Variants in CDH8 observed in about 807,000 individuals in gnomAD.
The protein encoded by CDH8 is cadherin 8, also known as cadherin-8.
In CDH8, 17 loss-of-function variants were observed where a neutral mutation model predicts 68.1. That is an observed-to-expected ratio of 0.25 (90% CI 0.17 to 0.37). CDH8 has a LOEUF of 0.37. CDH8 is among the 10% of genes least tolerant of loss of function. CDH8 has a pLI of 1.00. For missense variants in CDH8, 763 were observed against 999.3 expected (o/e 0.76, Z 3.19); for synonymous variants, 372 against 365.1 (o/e 1.02, Z -0.21).
chr16:61,817,365 T>A, intron 7 of CDH8, 114 bp downstream of exon 7: 1 of 952,502 alleles, frequency 1.0e-6, no homozygotes, highest in South Asian at 1.4e-5. Context: ...CAACATTATT[T>A]GGTCATGTGA....
intron 4 of CDH8, among the ~76,000 whole-genome samples, chr16:61,854,155 C>G (rs1190118581): frequency 6.7e-6 from 1 of 149,856 alleles, no homozygotes; most frequent in African/African-American, 2.5e-5. Flanking sequence ...CACACACACA[C>G]ACACTGCAGA....
At chr16:61,831,324 A>T (rs1962449469) in intron 4 of CDH8, among the ~76,000 whole-genome samples, 1 of 151,816 alleles carries the variant, frequency 6.6e-6, no homozygotes, top group Admixed American at 6.6e-5. Flanking sequence ...ATTACAAGGA[A>T]AAGGAGGATC....
intron 8 of CDH8, among the ~76,000 whole-genome samples, chr16:61,741,706 G>T (rs1596921316): frequency 1.3e-5 from 2 of 151,988 alleles, no homozygotes; most frequent in East Asian, 3.9e-4. Context: ...TATTCCATTG[G>T]TCTATTTTTC....
chr16:61,734,335 T>A lies in CDH8; in HGVS notation c.1415-7120A>T, dbSNP rs147858431. 3.3e-4 allele frequency among the ~76,000 whole-genome samples: 51 copies of A among 152,240 alleles called. 1 individual carries two copies. The East Asian group carries it at 9.1e-3, about 27-fold the overall frequency. Reference sequence around the variant, plus strand: ...CCTTGTTGACGTTGACTTATCAACCTTGCTGGGGGGAAAATGATTTCCTTC... The same window carrying A: ...CCTTGTTGACGTTGACTTATCAACCATGCTGGGGGGAAAATGATTTCCTTC... On this transcript the variant is annotated intron_variant, in intron 8 of 11. Transcript: ENST00000577390.
intron 2 of CDH8, among the ~76,000 whole-genome samples, chr16:61,972,571 G>GGGTGT (rs369833002): frequency 0.036 from 4,736 of 131,528 alleles, 124 homozygotes; most frequent in East Asian, 0.093. Context: ...ACACATTGTG[G>GGGTGT]GTGTGTGTGT....
intron 4 of CDH8, among the ~76,000 whole-genome samples, chr16:61,834,005 AC>A (rs1429583154): frequency 3.9e-5 from 6 of 151,934 alleles, no homozygotes; most frequent in African/African-American, 1.4e-4. Flanking sequence ...ATCGCCCAGA[AC>A]CTAACGCAAT....
At chr16:61,693,372 C>A (rs1964269844) in intron 10 of CDH8, 2 of 151,912 alleles carry the variant, frequency 1.3e-5, no homozygotes. Context: ...TTATTGGATG[C>A]CTTCTCCCTA....
intron 2 of CDH8, among the ~76,000 whole-genome samples, chr16:61,986,899 C>A (rs140483612): frequency 2.8e-4 from 43 of 152,176 alleles, no homozygotes; most frequent in Non-Finnish European, 3.8e-4. Context: ...TTTCTAGCTT[C>A]TCTTTCTGTG....
intron 2 of CDH8, among the ~76,000 whole-genome samples, chr16:61,970,724 G>C (rs561127503): frequency 1.3e-5 from 2 of 152,124 alleles, no homozygotes; most frequent in Non-Finnish European, 2.9e-5. Flanking sequence ...TTCTGACACC[G>C]TCTCCCTGGA....
In CDH8 at chr16:62,021,496, G is replaced by C; in HGVS notation, c.-93C>G. On this transcript the variant is annotated 5_prime_UTR_variant, in exon 2 of 12. Transcript: ENST00000577390. ...CATCCAATTCATCATGCAGTGCCGA[G>C]CATTTACTTACAGCTCTGCCACGTG... 2.0e-6 allele frequency: 3 copies of C among 1,517,480 alleles called. No individual in the cohort carries two copies. The highest frequency in any genetic ancestry group is 2.1e-5 in the Admixed American group (1 of 47,102). The allele number at this position is 1,517,480 out of a possible 1,614,324, so 94.0% of individuals were successfully genotyped here.
At chr16:61,779,777 G>T (rs1342284630) in intron 8 of CDH8, among the ~76,000 whole-genome samples, 2 of 152,102 alleles carry the variant, frequency 1.3e-5, no homozygotes, top group African/African-American at 2.4e-5. Flanking sequence ...ATAATAAAAT[G>T]CATGCTTTTT....
At chr16:61,777,037 A>G (rs764179235) in intron 8 of CDH8, among the ~76,000 whole-genome samples, 8 of 152,148 alleles carry the variant, frequency 5.3e-5, no homozygotes, top group Non-Finnish European at 1.0e-4. Flanking sequence ...CAAAAGAGTG[A>G]GCATGGATAA....
chr16:61,647,620 G>C lies in CDH8; in HGVS notation c.*5988C>G, dbSNP rs749118168. The C allele has an allele frequency of 4.6e-4, 251 of 551,022 alleles. No homozygotes were observed. The highest frequency in any genetic ancestry group is 7.0e-4 in the Non-Finnish European group (217 of 310,310). The allele number at this position is 551,022 out of a possible 1,614,324, so 34.1% of individuals were successfully genotyped here. A position where few individuals can be genotyped will look rare whatever the true frequency, so the allele number is the denominator to read the frequency against. On this transcript the variant is annotated 3_prime_UTR_variant, in exon 12 of 12. Coordinates refer to ENST00000577390, the MANE Select transcript of CDH8 (RefSeq NM_001796.5). Reference sequence around the variant, plus strand: ...TCCCAAGAAATTAACATTTGGCTTTGGGGGGTGATCCCAATGACTCCTAAA... The same window carrying C: ...TCCCAAGAAATTAACATTTGGCTTTCGGGGGTGATCCCAATGACTCCTAAA...
intron 2 of CDH8, among the ~76,000 whole-genome samples, chr16:61,936,219 C>A (rs1227782088): frequency 1.3e-5 from 2 of 152,064 alleles, no homozygotes; most frequent in African/African-American, 2.4e-5. Flanking sequence ...TGAATATTTA[C>A]AGCTCTTACT....
Position 61,822,566 on chromosome 16 carries a change from C to T in CDH8, c.836-1453G>A, listed in dbSNP as rs931687309. On this transcript the variant is annotated intron_variant, in intron 5 of 11. Coordinates refer to ENST00000577390, the MANE Select transcript of CDH8 (RefSeq NM_001796.5). ...GTAAGGTTTCTTCTAGCACTAACAC[C>T]CCTTTATTTAACAATGGGATAAAAA... Among the ~76,000 whole-genome samples, 11 of 151,668 alleles carry T rather than the reference C, an allele frequency of 7.3e-5. No individual in the cohort carries two copies. In the Admixed American group the frequency reaches 7.3e-4, roughly 10 times the overall value.
intron 3 of CDH8, among the ~76,000 whole-genome samples, chr16:61,873,264 A>G (rs893034217): frequency 6.6e-6 from 1 of 152,152 alleles, no homozygotes; most frequent in Non-Finnish European, 1.5e-5. Flanking sequence ...ATTAGGTTGA[A>G]GTTTTTTCAA....
intron 2 of CDH8, among the ~76,000 whole-genome samples, chr16:61,971,340 G>C (rs980148027): frequency 6.6e-6 from 1 of 152,168 alleles, no homozygotes; most frequent in African/African-American, 2.4e-5. Flanking sequence ...TGATTGACAG[G>C]CTGTATATAA....
chr16:61,885,791 G>C (rs554025649), intron 3 of CDH8, among the ~76,000 whole-genome samples: 6 of 150,792 alleles, frequency 4.0e-5, no homozygotes, highest in Non-Finnish European at 7.4e-5. Context: ...GGACAATAAA[G>C]ACATGCTCGG....
chr16:61,677,407 G>T (rs548482473), intron 10 of CDH8, among the ~76,000 whole-genome samples: 2 of 151,604 alleles, frequency 1.3e-5, no homozygotes, highest in Non-Finnish European at 2.9e-5. Context: ...ATACAAATGG[G>T]CTCCATTTAC....
Sources: gnomAD v4.1 joint callset for allele counts (sites outside exome capture counted in the v4.1 genomes callset) on GRCh38, gnomAD v4.1.1 for gene constraint, MANE v1.5 for transcripts, NCBI Gene and HGNC (gene_info 2026-07-23, HGNC 2026-07-21) for gene names.